The following SNX13 variants were observed in gnomAD, a reference collection of about 807,000 sequenced individuals.
SNX13 encodes the protein sorting nexin 13.
Under a neutral mutation model 133.6 loss-of-function variants are expected in SNX13, and 45 were observed. The ratio of observed to expected loss-of-function variants is 0.34; its 90% CI spans 0.27 to 0.43. The LOEUF is 0.43. SNX13 is among the 20% of genes least tolerant of loss of function. SNX13 has a pLI of 1.00. For missense variants in SNX13, 1,032 were observed against 1,145.1 expected (o/e 0.90, Z 1.43); for synonymous variants, 414 against 373.9 (o/e 1.11, Z -1.24).
intron 5 of SNX13, among the ~76,000 whole-genome samples, chr7:17,883,155 A>G (rs1016596954): frequency 6.6e-6 from 1 of 152,224 alleles, no homozygotes; most frequent in Admixed American, 6.5e-5. Flanking sequence ...TAAGAAGTGC[A>G]GTCCTATATC....
intron 1 of SNX13, among the ~76,000 whole-genome samples, chr7:17,936,722 T>C (rs1002073322): frequency 2.0e-5 from 3 of 152,144 alleles, no homozygotes; most frequent in Non-Finnish European, 4.4e-5. Context: ...AAATATTTCA[T>C]TATCTTCTAA....
intron 1 of SNX13, among the ~76,000 whole-genome samples, chr7:17,927,181 G>A (rs140511050): frequency 0.011 from 1,704 of 149,698 alleles, 38 homozygotes; most frequent in African/African-American, 0.039. Context: ...TATATTATGC[G>A]TGTACATATA....
rs528482483 is a variant in SNX13, at chr7:17,883,383, T to C, written c.440+6980A>G. Among the ~76,000 whole-genome samples, 28 of 152,280 alleles carry C rather than the reference T, an allele frequency of 1.8e-4. No individual in the cohort carries two copies. The East Asian group carries it at 2.5e-3, about 14-fold the overall frequency. On this transcript the variant is annotated intron_variant, in intron 5 of 25. Coordinates refer to ENST00000428135, the MANE Select transcript of SNX13 (RefSeq NM_015132.5). ...ACATCTTCTTAAGTATGTTAAAGTA[T>C]AGAAAATTAAACTCATGATGTTAAC...
At chr7:17,898,097 T>A (rs2127999964) in intron 1 of SNX13, 1 of 151,912 alleles carries the variant, frequency 6.6e-6, no homozygotes. Context: ...ACCTATTTCA[T>A]ACAGAATTAT....
At chr7:17,834,325 C>A (rs1268962463) in intron 14 of SNX13, 141 bp from the exon 15 acceptor site, 2 of 699,066 alleles carry the variant, frequency 2.9e-6, no homozygotes, top group Non-Finnish European at 4.3e-6. Flanking sequence ...GACTATTTCA[C>A]AACTAATGAT....
At chr7:17,852,148 C>T (rs549091520) in intron 9 of SNX13, among the ~76,000 whole-genome samples, 74 of 152,290 alleles carry the variant, frequency 4.9e-4, no homozygotes, top group African/African-American at 1.6e-3. Context: ...CCAAGGCGGG[C>T]GGATCACCTG....
chr7:17,933,733 A>T (rs1216022579), intron 1 of SNX13, among the ~76,000 whole-genome samples: 1 of 151,796 alleles, frequency 6.6e-6, no homozygotes, highest in East Asian at 1.9e-4. Flanking sequence ...CTATCCACCA[A>T]GAAAATAGTG....
At chr7:17,910,102 A>G (rs1217801017) in intron 1 of SNX13, among the ~76,000 whole-genome samples, 1 of 152,164 alleles carries the variant, frequency 6.6e-6, no homozygotes, top group South Asian at 2.1e-4. Context: ...AAAACCTAAC[A>G]TAACTCCTTC....
In SNX13 at chr7:17,875,870, A is replaced by C. The variant is rs1019487740; in HGVS notation, c.441-80T>G. 8 of 1,128,058 alleles carry C rather than the reference A, an allele frequency of 7.1e-6. No individual in the cohort carries two copies. The East Asian group carries it at 1.3e-4, about 18-fold the overall frequency. The allele number at this position is 1,128,058 out of a possible 1,614,324, so 69.9% of individuals were successfully genotyped here. ...TAAATTCATTTTAATGACTACTGACAAACAACATGATTATCTGAGACTGTA... is the reference window on the plus strand; with the variant it reads ...TAAATTCATTTTAATGACTACTGACCAACAACATGATTATCTGAGACTGTA... On this transcript the variant is annotated intron_variant, in intron 5 of 25. Transcript: ENST00000428135.
rs947236168 is a variant in SNX13 at position 17,913,707 on chromosome 7, A to G, written c.13-16261T>C. 2.2e-4 allele frequency among the ~76,000 whole-genome samples: 33 copies of G among 151,140 alleles called. 1 individual carries two copies. The highest frequency in any genetic ancestry group is 3.4e-3 in the Middle Eastern group (1 of 292). On this transcript the variant is annotated intron_variant, in intron 1 of 25. Transcript: ENST00000428135. ...ACGTCAGTCATACCCTCAAGGGAAA[A>G]CAGAAATTAAAAATCAAAAAGCCCG...
chr7:17,901,663 A>T (rs1312892122), intron 1 of SNX13, among the ~76,000 whole-genome samples: 1 of 152,068 alleles, frequency 6.6e-6, no homozygotes, highest in Non-Finnish European at 1.5e-5. Context: ...TCTCTGCACC[A>T]CTCAGCTTCT....
chr7:17,845,551 G>C (rs370673441), intron 12 of SNX13, 44 bp downstream of exon 12: 1 of 1,284,914 alleles, frequency 7.8e-7, no homozygotes, highest in Non-Finnish European at 1.1e-6. Context: ...AATCGAAAAA[G>C]AAATTCAATG....
intron 17 of SNX13, among the ~76,000 whole-genome samples, chr7:17,823,632 C>A (rs149828414): frequency 1.6e-3 from 237 of 152,324 alleles, no homozygotes; most frequent in African/African-American, 5.2e-3. Flanking sequence ...CTTTGGACAT[C>A]TTGCTCTGTA....
intron 8 of SNX13, among the ~76,000 whole-genome samples, chr7:17,870,108 C>T: frequency 6.6e-6 from 1 of 152,096 alleles, no homozygotes; most frequent in East Asian, 1.9e-4. Context: ...AGCAAGTAGG[C>T]ACTTCCACAT....
At chr7:17,914,033 T>C (rs1172094161) in intron 1 of SNX13, among the ~76,000 whole-genome samples, 3 of 151,876 alleles carry the variant, frequency 2.0e-5, no homozygotes, top group Admixed American at 6.6e-5. Context: ...AAAGATGACA[T>C]AGCTGTATTA....
chr7:17,831,855 G>T, intron 15 of SNX13: 1 of 984,180 alleles, frequency 1.0e-6, no homozygotes, highest in Non-Finnish European at 1.2e-6. Flanking sequence ...AGCATTACTA[G>T]TTGAGAAAGG....
intron 2 of SNX13, among the ~76,000 whole-genome samples, chr7:17,896,435 A>G (rs940776451): frequency 4.6e-5 from 7 of 152,194 alleles, no homozygotes; most frequent in African/African-American, 1.7e-4. Context: ...AGTGATAGAT[A>G]TATTTAGAAG....
intron 14 of SNX13, among the ~76,000 whole-genome samples, chr7:17,834,441 G>A (rs139196808): frequency 1.6e-3 from 245 of 151,962 alleles, no homozygotes; most frequent in Non-Finnish European, 3.0e-3. Context: ...ACAAGTACAT[G>A]TAAAGGTTCA....
chr7:17,812,990 T>C (rs898721435), intron 20 of SNX13, among the ~76,000 whole-genome samples: 3 of 152,020 alleles, frequency 2.0e-5, no homozygotes, highest in African/African-American at 7.3e-5. Flanking sequence ...AGGGGAGGGA[T>C]AGCATTAGGA....
Sources: allele counts gnomAD v4.1 joint callset (sites outside exome capture counted in the v4.1 genomes callset), GRCh38; gene constraint gnomAD v4.1.1; transcripts MANE v1.5; gene names NCBI Gene and HGNC (gene_info 2026-07-23, HGNC 2026-07-21).